The following CPOX variants were observed in gnomAD, a reference collection of about 807,000 sequenced individuals.
CPOX encodes coproporphyrinogen oxidase, also known as oxygen-dependent coproporphyrinogen-III oxidase, mitochondrial.
Under a neutral mutation model 48.9 loss-of-function variants are expected in CPOX, and 24 were observed. The ratio of observed to expected loss-of-function variants is 0.49; its 90% CI spans 0.36 to 0.69. The LOEUF (loss-of-function observed/expected upper bound fraction) is 0.69. Ranked by LOEUF, CPOX falls within the 30% of genes least tolerant of loss-of-function variation. The pLI is 0.00. For missense variants in CPOX, 549 were observed against 597.3 expected (o/e 0.92, Z 0.84); for synonymous variants, 249 against 234.6 (o/e 1.06, Z -0.56).
chr3:98,590,919 T>C, intron 2 of CPOX, 93 bp downstream of exon 2: 1 of 1,508,572 alleles, frequency 6.6e-7, no homozygotes, highest in South Asian at 1.2e-5. Flanking sequence ...CGAATGGCTT[T>C]TTTCAGAAGC....
At position 98,585,695 on chromosome 3, in the gene CPOX, T is replaced by A; in HGVS notation, c.954-36A>T. The A allele has an allele frequency of 3.3e-6, 5 of 1,533,280 alleles. No individual in the cohort carries two copies. The South Asian group carries it at 5.6e-5, about 17-fold the overall frequency. The allele number at this position is 1,533,280 out of a possible 1,614,324, so 95.0% of individuals were successfully genotyped here. A position where few individuals can be genotyped will look rare whatever the true frequency, so the allele number is the denominator to read the frequency against. On this transcript the variant is annotated intron_variant, in intron 4 of 6. Coordinates refer to ENST00000647941, the MANE Select transcript of CPOX (RefSeq NM_000097.7). The stretch of plus-strand genomic sequence containing the variant: ...CAGCGGCGCCAAACCAGGGATCAAA[T>A]GGAAAAAAACAGACATGAAAATCAA...
intron 5 of CPOX, 119 bp from the exon 6 acceptor site, chr3:98,581,630 G>T: frequency 1.3e-6 from 1 of 759,612 alleles, no homozygotes; most frequent in Non-Finnish European, 2.3e-6. Context: ...GCTGGAACTG[G>T]CACAGAGGAC....
chr3:98,580,355 A>C lies in CPOX; in HGVS notation c.*328T>G, dbSNP rs1002880867. On this transcript the variant is annotated 3_prime_UTR_variant, in exon 7 of 7. Transcript: ENST00000647941. Reference sequence around the variant, plus strand: ...TTTAAAAAATACATGAAACAAAAACAAGATGAGAGATTTCCTGATACATAT... The same window carrying C: ...TTTAAAAAATACATGAAACAAAAACCAGATGAGAGATTTCCTGATACATAT... 10 of 1,014,240 alleles carry C rather than the reference A, an allele frequency of 9.9e-6. No individual in the cohort carries two copies. The highest frequency in any genetic ancestry group is 9.4e-6 in the Non-Finnish European group (8 of 847,172). 62.8% of individuals were successfully genotyped at this position (1,014,240 alleles called of 1,614,324 possible).
chr3:98,591,111 C>T lies in CPOX; in HGVS notation c.601G>A (p.Glu201Lys), dbSNP rs1374394802. The change falls in exon 2 of 7, where the codon GAA (glutamate) becomes AAA (lysine). Residue 201 changes from glutamate to lysine, a missense_variant. Glu to Lys is a moderately conservative substitution (Grantham distance 56, BLOSUM62 1). Transcript: ENST00000647941. Reference sequence around the variant, plus strand: ...ACAGAAATGCTCACCCCAGCCTTTTCGAAAACACACCCATCTTGAAGTACA... The same window carrying T: ...ACAGAAATGCTCACCCCAGCCTTTTTGAAAACACACCCATCTTGAAGTACA... ...SCVLQDGCVF[E>K]KAGVSISVVH... The T allele has an allele frequency of 1.4e-5, 22 of 1,613,984 alleles. No homozygotes were observed. Among genetic ancestry groups the T allele is most frequent in the African/African-American group, 2.7e-5 (2 of 74,902 alleles).
chr3:98,579,230 T>C (rs1257673000), downstream of CPOX, among the ~76,000 whole-genome samples: 1 of 152,174 alleles, frequency 6.6e-6, no homozygotes, highest in East Asian at 1.9e-4. Context: ...ACATAAAACA[T>C]GTGCGAATTG....
rs369991792 is a variant in CPOX at position 98,585,518 on chromosome 3, G to A, written c.1095C>T (p.Tyr365=). 3.7e-6 allele frequency: 6 copies of A among 1,614,014 alleles called. No homozygotes were observed. The African/African-American group carries it at 8.0e-5, about 22-fold the overall frequency. Residue 365 remains tyrosine, a synonymous_variant, in exon 5 of 7, where the codon TAC becomes TAT. Coordinates refer to ENST00000647941, the MANE Select transcript of CPOX (RefSeq NM_000097.7). Reference sequence around the variant, plus strand: ...CACAGTGCTTTTTCACAAGGGGAATGTAAGAAGGAACTACAGCCCTGGCAC... The same window carrying A: ...CACAGTGCTTTTTCACAAGGGGAATATAAGAAGGAACTACAGCCCTGGCAC... ...QSCARAVVPS[Y]IPLVKKHCDD...
chr3:98,580,638 C>T lies in CPOX; in HGVS notation c.*45G>A, dbSNP rs1218280510. The T allele has an allele frequency of 1.9e-6, 3 of 1,611,578 alleles. No homozygotes were observed. Among genetic ancestry groups the T allele is most frequent in the Non-Finnish European group, 2.5e-6 (3 of 1,179,070 alleles). Reference sequence around the variant, plus strand: ...GTGCCGACCAGTGGCATGGGGAGCACACATCGTGTGCCCTCCAAACCCCTG... The same window carrying T: ...GTGCCGACCAGTGGCATGGGGAGCATACATCGTGTGCCCTCCAAACCCCTG... On this transcript the variant is annotated 3_prime_UTR_variant, in exon 7 of 7. Coordinates refer to ENST00000647941, the MANE Select transcript of CPOX (RefSeq NM_000097.7).
At chr3:98,585,931 G>GGTGC (rs948295538) in intron 4 of CPOX, 4 of 378,128 alleles carry the variant, frequency 1.1e-5, no homozygotes, top group African/African-American at 8.5e-5. Flanking sequence ...GGAGTGCAGT[G>GGTGC]GTGCGATCTT....
In CPOX at chr3:98,579,685, A is replaced by T; in HGVS notation, c.*998T>A. 2 of 985,292 alleles carry T rather than the reference A, an allele frequency of 2.0e-6. No individual in the cohort carries two copies. The highest frequency in any genetic ancestry group is 2.4e-6 in the Non-Finnish European group (2 of 829,736). 61.0% of individuals were successfully genotyped at this position (985,292 alleles called of 1,614,324 possible). ...AAGAATCCTGTTGTGATTTGCTCTT[A>T]AGAGCAAAGAGCTGCAGAATCTCTA... On this transcript the variant is annotated 3_prime_UTR_variant, in exon 7 of 7. Transcript: ENST00000647941.
chr3:98,591,074 T>C lies in CPOX; in HGVS notation c.638A>G (p.Asn213Ser). 3 of 1,614,164 alleles carry C rather than the reference T, an allele frequency of 1.9e-6. No individual in the cohort carries two copies. The highest frequency in any genetic ancestry group is 2.5e-6 in the Non-Finnish European group (3 of 1,180,024). Residue 213 changes from asparagine to serine, a missense_variant, in exon 2 of 7, where the codon AAT becomes AGT. Around this residue, in one of 2 missense-constraint regions of CPOX, gnomAD observed 336 missense variants for 318.1 expected, o/e 1.06. Transcript: ENST00000647941. ...TTGTTTTGCAGCTTCCTCTGAAAGA[T>C]TTCCATGAACAACAGAAATGCTCAC... is the stretch of plus-strand genomic sequence containing the variant. The part of the protein sequence containing the change: ...AGVSISVVHG[N>S]LSEEAAKQMR...
chr3:98,581,757 GGTTATGTTTTCCCATAA>G (rs1330185700), intron 5 of CPOX, among the ~76,000 whole-genome samples: 3 of 152,156 alleles, frequency 2.0e-5, no homozygotes, highest in African/African-American at 7.2e-5. Flanking sequence ...CACAATACAA[GGTTATGTTTTCCCATAA>G]GTAAACAGAA....
chr3:98,593,509 C>A lies in CPOX; in HGVS notation c.-5G>T. The stretch of plus-strand genomic sequence containing the variant: ...CCTGCCCAGCTGCAAGGCCATGTTC[C>A]CGCACTATCACCTGGAGCAGTGCCT... On this transcript the variant is annotated 5_prime_UTR_variant, in exon 1 of 7. Transcript: ENST00000647941. 3 of 1,522,048 alleles carry A rather than the reference C, an allele frequency of 2.0e-6. No individual in the cohort carries two copies. The highest frequency in any genetic ancestry group is 2.6e-6 in the Non-Finnish European group (3 of 1,141,248). 94.3% of individuals were successfully genotyped at this position (1,522,048 alleles called of 1,614,324 possible).
At position 98,591,003 on chromosome 3, in the gene CPOX, C is replaced by G; in HGVS notation, c.700+9G>C. 1 of 1,614,020 alleles carries G rather than the reference C, an allele frequency of 6.2e-7. No homozygotes were observed. The highest frequency in any genetic ancestry group is 8.5e-7 in the Non-Finnish European group (1 of 1,179,898). ...GACTATTAGAGACTATCAAGACTGT[C>G]TGATTTACCATCTTTAGTCTTCAGA... On this transcript the variant is annotated intron_variant, in intron 2 of 6. Transcript: ENST00000647941.
the CPOX span, among the ~76,000 whole-genome samples, chr3:98,571,731 T>C: frequency 6.6e-6 from 1 of 151,840 alleles, no homozygotes; most frequent in East Asian, 1.9e-4. Context: ...GCTGTATTAG[T>C]TATGTCTCAT....
In CPOX at chr3:98,579,721, G is replaced by C; in HGVS notation, c.*962C>G. The stretch of plus-strand genomic sequence containing the variant: ...GCTGCAGAATCTCTAATATAAAAAA[G>C]AGGACATTTTCAATGTGTCCATTTT... On this transcript the variant is annotated 3_prime_UTR_variant, in exon 7 of 7. Transcript: ENST00000647941. 4 of 985,366 alleles carry C rather than the reference G, an allele frequency of 4.1e-6. No individual in the cohort carries two copies. Among genetic ancestry groups the C allele is most frequent in the Non-Finnish European group, 4.8e-6 (4 of 829,696 alleles). 61.0% of individuals were successfully genotyped at this position (985,366 alleles called of 1,614,324 possible).
Position 98,580,276 on chromosome 3 carries a change from A to C in CPOX, c.*407T>G. On this transcript the variant is annotated 3_prime_UTR_variant, in exon 7 of 7. Transcript: ENST00000647941. The stretch of plus-strand genomic sequence containing the variant: ...TACTATGAAGTCTCAACTTCACTGA[A>C]TTAATGAAAATAAAATATATTCCAC... The C allele has an allele frequency of 1.0e-6, 1 of 1,002,966 alleles. No homozygotes were observed. 62.1% of individuals were successfully genotyped at this position (1,002,966 alleles called of 1,614,324 possible). A position where few individuals can be genotyped will look rare whatever the true frequency, so the allele number is the denominator to read the frequency against.
the CPOX span, among the ~76,000 whole-genome samples, chr3:98,572,279 T>C: frequency 6.6e-6 from 1 of 152,218 alleles, no homozygotes; most frequent in South Asian, 2.1e-4. Flanking sequence ...ACTCTTCTTT[T>C]TCTTATGTTA....
chr3:98,574,893 ATTAAT>A (rs1481961595), downstream of CPOX, among the ~76,000 whole-genome samples: 1 of 152,176 alleles, frequency 6.6e-6, no homozygotes, highest in African/African-American at 2.4e-5. Context: ...TTCAGGTAGT[ATTAAT>A]TTAAATGGTC....
rs900391289 is a variant in CPOX, at chr3:98,593,429, C to T, written c.76G>A (p.Ala26Thr). Reference sequence around the variant, plus strand: ...CCTCCGCCGCCGCACTGGGACCAGGCGCGGGGCCCTCCGCAGCCGCCCCGC... The same window carrying T: ...CCTCCGCCGCCGCACTGGGACCAGGTGCGGGGCCCTCCGCAGCCGCCCCGC... ...VARGGCGGPR[A>T]WSQCGGGGLR... The change falls in exon 1 of 7, where the codon GCC (alanine) becomes ACC (threonine). Residue 26 changes from alanine to threonine, a missense_variant. By Grantham distance (58) the Ala-to-Thr change is moderately conservative. Around this residue, in one of 2 missense-constraint regions of CPOX, gnomAD observed 336 missense variants for 318.1 expected, o/e 1.06. Coordinates refer to ENST00000647941, the MANE Select transcript of CPOX (RefSeq NM_000097.7). The T allele has an allele frequency of 1.8e-5, 27 of 1,480,524 alleles. No homozygotes were observed. The highest frequency in any genetic ancestry group is 2.4e-5 in the Non-Finnish European group (27 of 1,122,468). 91.7% of individuals were successfully genotyped at this position (1,480,524 alleles called of 1,614,324 possible). A position where few individuals can be genotyped will look rare whatever the true frequency, so the allele number is the denominator to read the frequency against.
Sources: gnomAD v4.1 joint callset for allele counts (sites outside exome capture counted in the v4.1 genomes callset) on GRCh38, gnomAD v4.1.1 for gene constraint, gnomAD v4.1.1 regional missense constraint, MANE v1.5 for transcripts, NCBI Gene and HGNC (gene_info 2026-07-23, HGNC 2026-07-21) for gene names.